Variants in ANKS1B observed in about 807,000 individuals in gnomAD.
ANKS1B encodes ankyrin repeat and sterile alpha motif domain containing 1B, also known as ankyrin repeat and sterile alpha motif domain-containing protein 1B.
Under a neutral mutation model 148.3 loss-of-function variants are expected in ANKS1B, and 36 were observed. The ratio of observed to expected loss-of-function variants is 0.24; its 90% CI spans 0.19 to 0.32. The LOEUF (loss-of-function observed/expected upper bound fraction) is 0.32. Among genes scored for constraint, ANKS1B ranks in the 10% least tolerant of loss-of-function variants. The pLI, the probability that ANKS1B is intolerant of heterozygous loss-of-function variation, is 1.00. For missense variants in ANKS1B, 1,157 were observed against 1,542.6 expected, an observed-to-expected ratio of 0.75 and a Z score of 4.19; for synonymous variants, 542 against 560.8, an observed-to-expected ratio of 0.97 and a Z score of 0.47.
intron 16 of ANKS1B, among the ~76,000 whole-genome samples, chr12:99,081,775 A>T (rs549605314): frequency 6.6e-6 from 1 of 152,224 alleles, no homozygotes; most frequent in African/African-American, 2.4e-5. Context: ...CTTGTTTTGC[A>T]TTATCAAGTG....
chr12:99,648,961 T>G (rs2098400075), intron 9 of ANKS1B, among the ~76,000 whole-genome samples: 1 of 152,184 alleles, frequency 6.6e-6, no homozygotes, highest in African/African-American at 2.4e-5. Flanking sequence ...AGGTTCCTAG[T>G]GCTTCTCCAG....
At chr12:99,581,918 AAAAAG>A (rs935538407) in intron 9 of ANKS1B, among the ~76,000 whole-genome samples, 3 of 151,336 alleles carry the variant, frequency 2.0e-5, no homozygotes, top group African/African-American at 4.8e-5. Flanking sequence ...AAAAAAAAGA[AAAAAG>A]AAAATGAAAA....
chr12:98,870,463 T>C (rs1179018236), intron 17 of ANKS1B, among the ~76,000 whole-genome samples: 1 of 152,236 alleles, frequency 6.6e-6, no homozygotes, highest in Non-Finnish European at 1.5e-5. Context: ...TACTTCCTTT[T>C]CCTCCCTCCC....
chr12:99,831,263 A>G (rs2083941272), intron 1 of ANKS1B, among the ~76,000 whole-genome samples: 1 of 151,720 alleles, frequency 6.6e-6, no homozygotes, highest in African/African-American at 2.4e-5. Context: ...ATACCATTAT[A>G]TATTTCTTTA....
intron 9 of ANKS1B, among the ~76,000 whole-genome samples, chr12:99,580,226 A>C (rs2097557493): frequency 6.6e-6 from 1 of 152,152 alleles, no homozygotes; most frequent in Non-Finnish European, 1.5e-5. Context: ...GTGAGGGTTG[A>C]AAAATTACCT....
chr12:98,969,485 C>T (rs989869642), intron 17 of ANKS1B, among the ~76,000 whole-genome samples: 1 of 152,074 alleles, frequency 6.6e-6, no homozygotes, highest in South Asian at 2.1e-4. Flanking sequence ...TACTCACATG[C>T]TGTGCAAAAA....
chr12:99,432,232 G>A (rs1471496423), intron 11 of ANKS1B, among the ~76,000 whole-genome samples: 4 of 152,074 alleles, frequency 2.6e-5, no homozygotes, highest in African/African-American at 9.7e-5. Context: ...TCCATATAAT[G>A]GAACTCCCAA....
intron 1 of ANKS1B, among the ~76,000 whole-genome samples, chr12:99,909,492 T>G (rs2093923163): frequency 1.3e-5 from 2 of 152,192 alleles, no homozygotes; most frequent in South Asian, 4.1e-4. Context: ...CCATAGTGGC[T>G]GCACTAATTT....
chr12:99,303,205 A>C (rs2081912349), intron 12 of ANKS1B, among the ~76,000 whole-genome samples: 1 of 152,168 alleles, frequency 6.6e-6, no homozygotes, highest in Non-Finnish European at 1.5e-5. Flanking sequence ...AGGTGTATAT[A>C]TTATTGGAAG....
chr12:99,057,810 T>C (rs755694287), intron 16 of ANKS1B, among the ~76,000 whole-genome samples: 76 of 152,188 alleles, frequency 5.0e-4, no homozygotes, highest in Non-Finnish European at 1.0e-3. Context: ...CTCATAAGAA[T>C]AGCAAGTGCT....
At chr12:99,487,127 A>T (rs544273644) in intron 10 of ANKS1B, among the ~76,000 whole-genome samples, 1 of 152,358 alleles carries the variant, frequency 6.6e-6, no homozygotes, top group African/African-American at 2.4e-5. Flanking sequence ...ATCAGCAGAA[A>T]GATCTGGTGC....
At chr12:98,781,592 C>G (rs1278308638) in intron 23 of ANKS1B, 1 of 373,964 alleles carries the variant, frequency 2.7e-6, no homozygotes, top group Non-Finnish European at 5.2e-6. Context: ...GGACTTAACT[C>G]CAAGGGTGCA....
intron 8 of ANKS1B, among the ~76,000 whole-genome samples, chr12:99,663,307 T>C (rs1036104945): frequency 1.3e-5 from 2 of 152,104 alleles, no homozygotes; most frequent in Non-Finnish European, 2.9e-5. Context: ...ATATTAGCAA[T>C]GATCAGAAAA....
chr12:98,826,862 T>C (rs1173905075), intron 19 of ANKS1B, among the ~76,000 whole-genome samples: 1 of 152,118 alleles, frequency 6.6e-6, no homozygotes, highest in Admixed American at 6.5e-5. Flanking sequence ...CCCAACTCGA[T>C]TGTCTAAACA....
intron 8 of ANKS1B, among the ~76,000 whole-genome samples, chr12:99,722,073 T>C (rs759605187): frequency 3.9e-5 from 6 of 152,236 alleles, no homozygotes; most frequent in Non-Finnish European, 7.3e-5. Context: ...GAAGAAAATT[T>C]TGAAGCTAGC....
chr12:99,063,570 C>CT (rs2043130498), intron 16 of ANKS1B, among the ~76,000 whole-genome samples: 1 of 152,200 alleles, frequency 6.6e-6, no homozygotes, highest in Non-Finnish European at 1.5e-5. Flanking sequence ...CATCTGAGTG[C>CT]TATCTACGGC....
intron 8 of ANKS1B, among the ~76,000 whole-genome samples, chr12:99,693,475 AT>A (rs1295499576): frequency 3.3e-5 from 5 of 152,248 alleles, no homozygotes; most frequent in African/African-American, 9.6e-5. Context: ...GGGTCAAGAG[AT>A]TTTGTTTTGT....
At chr12:99,507,939 T>G (rs1266398071) in intron 9 of ANKS1B, among the ~76,000 whole-genome samples, 1 of 151,848 alleles carries the variant, frequency 6.6e-6, no homozygotes, top group Non-Finnish European at 1.5e-5. Context: ...AATTTTACCC[T>G]TTTTCCTCCT....
Position 99,405,482 on chromosome 12 carries a change from T to C in ANKS1B, c.1576-5671A>G. Among the ~76,000 whole-genome samples, 2 of 145,658 alleles carry C rather than the reference T, an allele frequency of 1.4e-5. 1 individual carries two copies. The highest frequency in any genetic ancestry group is 3.0e-5 in the Non-Finnish European group (2 of 65,956). ...TTAAGTTGCCATCAGTTTAAAATAA[T>C]GGATTATAAAAAATTATTTGCAAGC... On this transcript the variant is annotated intron_variant, in intron 11 of 26. Transcript: ENST00000683438.
Sources: gnomAD v4.1 joint callset for allele counts (sites outside exome capture counted in the v4.1 genomes callset) on GRCh38, gnomAD v4.1.1 for gene constraint, MANE v1.5 for transcripts, NCBI Gene and HGNC (gene_info 2026-07-23, HGNC 2026-07-21) for gene names.